The following DOCK1 variants were observed in gnomAD, a reference collection of about 807,000 sequenced individuals.
DOCK1 encodes dedicator of cytokinesis protein 1.
A neutral mutation model predicts 262.7 loss-of-function variants in DOCK1; 138 were observed. The ratio of observed to expected loss-of-function variants is 0.53; its 90% CI spans 0.46 to 0.61. The LOEUF (loss-of-function observed/expected upper bound fraction) is 0.61. Among genes scored for constraint, DOCK1 ranks in the 20% least tolerant of loss-of-function variants. DOCK1 has a pLI of 0.00. For synonymous variants in DOCK1, 866 were observed against 867.4 expected (o/e 1.00, Z 0.03); for missense variants, 1,908 against 2,370.7 (o/e 0.80, Z 4.05).
chr10:127,376,682 T>A (rs983428906), intron 35 of DOCK1, among the ~76,000 whole-genome samples: 1 of 152,220 alleles, frequency 6.6e-6, no homozygotes, highest in African/African-American at 2.4e-5. Context: ...GGACATAACT[T>A]TATAGTGTTC....
chr10:127,017,190 T>TAC (rs139971076), intron 12 of DOCK1, among the ~76,000 whole-genome samples: 3 of 148,932 alleles, frequency 2.0e-5, no homozygotes, highest in Non-Finnish European at 3.0e-5. Flanking sequence ...ACACCACACA[T>TAC]ACACACGCAC....
intron 27 of DOCK1, among the ~76,000 whole-genome samples, chr10:127,201,235 A>G (rs969331797): frequency 3.3e-5 from 5 of 152,116 alleles, no homozygotes; most frequent in Non-Finnish European, 2.9e-5. Flanking sequence ...ATTCTGCTCG[A>G]GCCTTCACTC....
intron 48 of DOCK1, among the ~76,000 whole-genome samples, chr10:127,436,440 C>G (rs897250841): frequency 5.9e-5 from 9 of 152,074 alleles, no homozygotes; most frequent in Non-Finnish European, 1.5e-5. Context: ...ATCACCTGAA[C>G]CTGGAGAGGT....
At chr10:127,093,694 A>G (rs2047727511) in intron 23 of DOCK1, among the ~76,000 whole-genome samples, 1 of 151,142 alleles carries the variant, frequency 6.6e-6, no homozygotes, top group Non-Finnish European at 1.5e-5. Flanking sequence ...CATTGGATTT[A>G]GGGCCCACTG....
At chr10:127,366,499 G>A (rs978852436) in intron 33 of DOCK1, among the ~76,000 whole-genome samples, 3 of 152,150 alleles carry the variant, frequency 2.0e-5, no homozygotes, top group African/African-American at 4.8e-5. Context: ...TGTCTCATCT[G>A]CAGCCTCCGT....
At chr10:127,245,879 G>A (rs187424852) in intron 27 of DOCK1, among the ~76,000 whole-genome samples, 2 of 152,296 alleles carry the variant, frequency 1.3e-5, no homozygotes, top group East Asian at 1.9e-4. Flanking sequence ...TTATTCTAAT[G>A]TGTAAGTCTC....
At chr10:127,195,666 C>T (rs2057071971) in intron 27 of DOCK1, among the ~76,000 whole-genome samples, 1 of 152,270 alleles carries the variant, frequency 6.6e-6, no homozygotes, top group South Asian at 2.1e-4. Flanking sequence ...CGGGCGCTCA[C>T]GAAGCTGTGG....
chr10:127,324,417 C>T (rs904123448), intron 29 of DOCK1, among the ~76,000 whole-genome samples: 1 of 152,288 alleles, frequency 6.6e-6, no homozygotes, highest in Admixed American at 6.5e-5. Context: ...AGAAGACAGC[C>T]TCTGGGTCTC....
Position 127,206,136 on chromosome 10 carries a change from C to CTTTTTTTTT in DOCK1, c.2848-41855_2848-41847dup, listed in dbSNP as rs34450374. Among the ~76,000 whole-genome samples the CTTTTTTTTT allele has an allele frequency of 1.4e-3, 114 of 78,634 alleles. 1 individual carries two copies. The highest frequency in any genetic ancestry group is 1.9e-3 in the South Asian group (3 of 1,596). 51.6% of individuals were successfully genotyped at this position (78,634 alleles called of 152,430 possible). On this transcript the variant is annotated intron_variant, in intron 27 of 51. Transcript: ENST00000623213. ...GTCATCTACCATATATTCTTCTTCTCTTTTTTTTTTTTTTTTTTTTTTTTT... is the reference window on the plus strand; with the variant it reads ...GTCATCTACCATATATTCTTCTTCTCTTTTTTTTTTTTTTTTTTTTTTTTTTTTTTTTTT...
chr10:127,123,101 T>G (rs2049715949), intron 25 of DOCK1, among the ~76,000 whole-genome samples: 1 of 152,234 alleles, frequency 6.6e-6, no homozygotes, highest in African/African-American at 2.4e-5. Flanking sequence ...TTCCAGCCTG[T>G]ACTGGCTGGT....
At chr10:127,213,862 C>T (rs1349782600) in intron 27 of DOCK1, among the ~76,000 whole-genome samples, 5 of 152,082 alleles carry the variant, frequency 3.3e-5, no homozygotes, top group African/African-American at 4.8e-5. Flanking sequence ...TTTTTTAAGA[C>T]GGAGTCTTGC....
intron 1 of DOCK1, among the ~76,000 whole-genome samples, chr10:126,942,617 GC>G (rs1316179414): frequency 6.6e-6 from 1 of 152,128 alleles, no homozygotes; most frequent in African/African-American, 2.4e-5. Context: ...AGCCGAGCCA[GC>G]CCCGAGGGAG....
intron 44 of DOCK1, 101 bp downstream of exon 44, chr10:127,415,339 C>A: frequency 8.7e-7 from 1 of 1,145,710 alleles, no homozygotes; most frequent in Non-Finnish European, 1.3e-6. Flanking sequence ...ACTGTGGCAG[C>A]GTGCACACAG....
At chr10:127,030,324 A>G (rs2043151746) in intron 16 of DOCK1, among the ~76,000 whole-genome samples, 1 of 152,144 alleles carries the variant, frequency 6.6e-6, no homozygotes, top group Non-Finnish European at 1.5e-5. Flanking sequence ...CCATTTCTTC[A>G]GTCCATGTTC....
intron 29 of DOCK1, among the ~76,000 whole-genome samples, chr10:127,319,431 C>T (rs1024793308): frequency 2.0e-5 from 3 of 152,268 alleles, no homozygotes; most frequent in South Asian, 4.1e-4. Flanking sequence ...ATGTGTTCGG[C>T]GGGCGGGAGC....
At chr10:127,082,946 G>GGCCT (rs563382136) in intron 23 of DOCK1, among the ~76,000 whole-genome samples, 372 of 152,298 alleles carry the variant, frequency 2.4e-3, no homozygotes, top group African/African-American at 8.4e-3. Context: ...CTCCTTGGAA[G>GGCCT]GCCTGTTCTC....
intron 43 of DOCK1, among the ~76,000 whole-genome samples, chr10:127,414,886 T>G (rs2068069268): frequency 6.6e-6 from 1 of 152,208 alleles, no homozygotes; most frequent in African/African-American, 2.4e-5. Flanking sequence ...TCACCTAGTA[T>G]ACTTTCATTG....
intron 1 of DOCK1, among the ~76,000 whole-genome samples, chr10:126,905,778 C>A (rs186228222): frequency 1.4e-5 from 2 of 139,300 alleles, no homozygotes; most frequent in Admixed American, 1.4e-4. Flanking sequence ...GGATGCGGGT[C>A]GGGAACACGA....
intron 1 of DOCK1, among the ~76,000 whole-genome samples, chr10:126,913,235 A>T (rs1383085256): frequency 3.9e-5 from 6 of 152,176 alleles, no homozygotes; most frequent in Admixed American, 3.9e-4. Flanking sequence ...ACCTGGGCTT[A>T]AGCTGCATTT....
Sources: allele counts gnomAD v4.1 joint callset (sites outside exome capture counted in the v4.1 genomes callset), GRCh38; gene constraint gnomAD v4.1.1; transcripts MANE v1.5; gene names NCBI Gene and HGNC (gene_info 2026-07-23, HGNC 2026-07-21).